Variants in SCAND3 observed in about 807,000 individuals in gnomAD.
SCAND3 encodes SCAN domain-containing protein 3.
chr6:28,579,425 G>A, the SCAND3 span: 1 of 1,607,384 alleles, frequency 6.2e-7, no homozygotes, highest in Non-Finnish European at 8.5e-7. This position sits in a 1 kb window ranked among gnomAD's most constrained non-coding sequence, Gnocchi z 4.5. Context: ...GAGACCTGTG[G>A]ACAAGTAGGT....
chr6:28,595,940 T>C, the SCAND3 span, among the ~76,000 whole-genome samples: 5 of 152,190 alleles, frequency 3.3e-5, no homozygotes, highest in South Asian at 2.1e-4. Flanking sequence ...ACACACACTT[T>C]GGGTCATTCT....
At chr6:28,586,557 C>T in the SCAND3 span, 2 of 1,614,246 alleles carry the variant, frequency 1.2e-6, no homozygotes, top group Non-Finnish European at 1.7e-6. The surrounding 1 kb of genome is among the most constrained non-coding windows in gnomAD (Gnocchi z 4.4). Flanking sequence ...CTGCCTGAAG[C>T]GCTGACGAGA....
the SCAND3 span, chr6:28,586,654 T>C: frequency 1.9e-6 from 3 of 1,613,978 alleles, no homozygotes; most frequent in Non-Finnish European, 2.5e-6. This position sits in a 1 kb window ranked among gnomAD's most constrained non-coding sequence, Gnocchi z 4.4. Flanking sequence ...ACTTTGATAA[T>C]CTCCCCTTGT....
chr6:28,589,005 C>T, the SCAND3 span, among the ~76,000 whole-genome samples: 1 of 152,318 alleles, frequency 6.6e-6, no homozygotes, highest in African/African-American at 2.4e-5. Context: ...GTTAAGACAG[C>T]TTCCTCTCCC....
chr6:28,603,057 G>C, the SCAND3 span, among the ~76,000 whole-genome samples: 4 of 149,070 alleles, frequency 2.7e-5, no homozygotes, highest in East Asian at 7.9e-4. Flanking sequence ...CCGCCTCCCG[G>C]ATTCAAGCCA....
At chr6:28,596,111 A>G in the SCAND3 span, among the ~76,000 whole-genome samples, 1 of 152,264 alleles carries the variant, frequency 6.6e-6, no homozygotes, top group African/African-American at 2.4e-5. Flanking sequence ...TTAAAAATTT[A>G]TATTGCAGTA....
At chr6:28,595,710 G>A in the SCAND3 span, among the ~76,000 whole-genome samples, 17 of 144,940 alleles carry the variant, frequency 1.2e-4, no homozygotes, top group Admixed American at 6.9e-5. Context: ...CAACAAGAGC[G>A]AAACTCCGTC....
the SCAND3 span, chr6:28,589,363 C>T: frequency 6.6e-6 from 1 of 152,140 alleles, no homozygotes; most frequent in Non-Finnish European, 1.5e-5. Context: ...TACTTACCTA[C>T]TGTACCCTTG....
the SCAND3 span, among the ~76,000 whole-genome samples, chr6:28,581,119 T>C: frequency 1.3e-5 from 2 of 151,990 alleles, no homozygotes; most frequent in African/African-American, 4.8e-5. Context: ...GGAGGATTGC[T>C]TGAGCTCAGG....
At chr6:28,575,038 T>A in the SCAND3 span, 42 of 1,614,026 alleles carry the variant, frequency 2.6e-5, no homozygotes, top group Non-Finnish European at 3.5e-5. This position sits in a 1 kb window ranked among gnomAD's most constrained non-coding sequence, Gnocchi z 4.2. Context: ...ATTTTCTAAC[T>A]CTTTGTCAGC....
At chr6:28,573,596 C>T in the SCAND3 span, 13 of 1,613,134 alleles carry the variant, frequency 8.1e-6, no homozygotes, top group African/African-American at 4.0e-5. Flanking sequence ...TTAGCCAGTA[C>T]ATCTCCACAA....
At chr6:28,611,169 C>G in the SCAND3 span, among the ~76,000 whole-genome samples, 1 of 152,212 alleles carries the variant, frequency 6.6e-6, no homozygotes, top group African/African-American at 2.4e-5. Context: ...TTCTGCCTCT[C>G]TACTGCTAAC....
chr6:28,598,611 G>T, the SCAND3 span, among the ~76,000 whole-genome samples: 1 of 151,804 alleles, frequency 6.6e-6, no homozygotes. Flanking sequence ...TTTCCGGTCC[G>T]AGGTGGGTGT....
the SCAND3 span, chr6:28,572,771 A>G: frequency 2.1e-5 from 34 of 1,613,834 alleles, no homozygotes; most frequent in South Asian, 3.2e-4. The surrounding 1 kb of genome is among the most constrained non-coding windows in gnomAD (Gnocchi z 4.1). Context: ...CATAATAAAG[A>G]GAATAATCTT....
At chr6:28,607,314 T>C in the SCAND3 span, among the ~76,000 whole-genome samples, 1 of 152,092 alleles carries the variant, frequency 6.6e-6, no homozygotes, top group African/African-American at 2.4e-5. Flanking sequence ...CCTAGTCTCA[T>C]TCATTCAATT....
chr6:28,575,734 G>A, the SCAND3 span: 1 of 1,614,078 alleles, frequency 6.2e-7, no homozygotes, highest in Non-Finnish European at 8.5e-7. The surrounding 1 kb of genome is among the most constrained non-coding windows in gnomAD (Gnocchi z 4.2). Flanking sequence ...CTCCATGCGA[G>A]TACGTCCACC....
the SCAND3 span, among the ~76,000 whole-genome samples, chr6:28,581,383 T>C: frequency 3.3e-5 from 5 of 152,310 alleles, no homozygotes; most frequent in South Asian, 1.0e-3. Context: ...GGTTGTAATA[T>C]GGTAGAGTAA....
the SCAND3 span, among the ~76,000 whole-genome samples, chr6:28,596,292 G>C: frequency 6.6e-6 from 1 of 152,020 alleles, no homozygotes. Context: ...AAAAGAATAA[G>C]CTTTCACTTT....
the SCAND3 span, among the ~76,000 whole-genome samples, chr6:28,603,611 T>A: frequency 3.4e-4 from 49 of 145,550 alleles, no homozygotes; most frequent in South Asian, 7.1e-3. Context: ...CCAGGTATAT[T>A]ATATCTAAAT....
Sources: gnomAD v4.1 joint callset for allele counts (sites outside exome capture counted in the v4.1 genomes callset) on GRCh38, gnomAD v4.1.1 for gene constraint, Gnocchi (gnomAD v3.1) non-coding constraint, MANE v1.5 for transcripts, NCBI Gene and HGNC (gene_info 2026-07-23, HGNC 2026-07-21) for gene names.